The following FRMD4B variants were observed in gnomAD, a reference collection of about 807,000 sequenced individuals.
FRMD4B encodes FERM domain-containing protein 4B.
Under a neutral mutation model 141.5 loss-of-function variants are expected in FRMD4B, and 74 were observed. That is an observed-to-expected ratio of 0.52 (90% CI 0.43 to 0.63). The LOEUF is 0.63. FRMD4B is among the 30% of genes least tolerant of loss of function. The probability of loss-of-function intolerance (pLI) is 0.00; values close to 1 mark genes in which losing one functional copy is unlikely to be tolerated. For synonymous variants in FRMD4B, 506 were observed against 467.9 expected, an observed-to-expected ratio of 1.08 and a Z score of -1.05; for missense variants, 1,366 against 1,253.4, an observed-to-expected ratio of 1.09 and a Z score of -1.36.
At chr3:69,250,419 A>G (rs1430199107) in intron 5 of FRMD4B, among the ~76,000 whole-genome samples, 2 of 152,170 alleles carry the variant, frequency 1.3e-5, no homozygotes, top group Admixed American at 6.6e-5. Context: ...CTTCTAAATG[A>G]AAAATTTTTA....
upstream of FRMD4B, among the ~76,000 whole-genome samples, chr3:69,388,338 G>A (rs1204561449): frequency 1.3e-5 from 2 of 152,116 alleles, no homozygotes; most frequent in African/African-American, 4.8e-5. Flanking sequence ...ATAGGATGTA[G>A]TATAATAGGG....
At chr3:69,200,096 C>T (rs2092951001) in intron 11 of FRMD4B, among the ~76,000 whole-genome samples, 1 of 152,178 alleles carries the variant, frequency 6.6e-6, no homozygotes. Context: ...CTCTGCAATG[C>T]ACTATCAGCA....
chr3:69,306,547 T>C (rs1029016171), intron 3 of FRMD4B: 2 of 152,226 alleles, frequency 1.3e-5, no homozygotes, highest in Non-Finnish European at 2.9e-5. Flanking sequence ...GGGCCGTGAC[T>C]GCCCTCTAGG....
At chr3:69,280,022 C>T (rs1160100463) in intron 5 of FRMD4B, among the ~76,000 whole-genome samples, 2 of 151,976 alleles carry the variant, frequency 1.3e-5, no homozygotes, top group Non-Finnish European at 2.9e-5. Flanking sequence ...TGTGGTGGTC[C>T]ATGTTGGCTG....
At chr3:69,473,566 A>C (rs982684419) in intron 1 of FRMD4B, among the ~76,000 whole-genome samples, 1 of 152,146 alleles carries the variant, frequency 6.6e-6, no homozygotes, top group African/African-American at 2.4e-5. Context: ...CTCTCCAGCC[A>C]TATCAATCTC....
rs774007665 is a variant in FRMD4B at position 69,180,977 on chromosome 3, C to T, written c.2773G>A (p.Gly925Arg). Residue 925 changes from glycine (G) to arginine (R), a missense_variant, in exon 21 of 23, where the codon GGA becomes AGA. Physicochemically the swap from Gly to Arg is moderately radical, Grantham distance 125 (BLOSUM62 -2). Transcript: ENST00000398540. ...SPQTSFDSDRGSQRCLGFAGL... is the reference protein window; with the variant it reads ...SPQTSFDSDRRSQRCLGFAGL... ...GCAAACCCCAGGCATCTCTGTGATC[C>T]CCTGTCTGAGTCAAAGCTGGTCTGC... 10 of 1,613,958 alleles carry T rather than the reference C, an allele frequency of 6.2e-6. No individual in the cohort carries two copies. Among genetic ancestry groups the T allele is most frequent in the South Asian group, 1.1e-5 (1 of 91,070 alleles).
At chr3:69,176,775 G>A in intron 21 of FRMD4B, 119 bp from the exon 22 acceptor site, 1 of 653,818 alleles carries the variant, frequency 1.5e-6, no homozygotes, top group East Asian at 2.7e-5. Flanking sequence ...AAGAGGGTTT[G>A]AAATAACAGA....
intron 11 of FRMD4B, among the ~76,000 whole-genome samples, chr3:69,212,381 GAAAAAAAAAAAGAAA>G (rs2093094078): frequency 1.0e-5 from 1 of 95,598 alleles, no homozygotes; most frequent in Non-Finnish European, 1.9e-5. Flanking sequence ...AAAAAAAAAA[GAAAAAAAAAAAGAAA>G]AAAAAGAAAA....
At chr3:69,490,228 G>T (rs1706280459) in intron 1 of FRMD4B, among the ~76,000 whole-genome samples, 1 of 152,156 alleles carries the variant, frequency 6.6e-6, no homozygotes, top group Admixed American at 6.5e-5. Context: ...TAAATGAGAT[G>T]ATGGTTTATA....
chr3:69,299,787 C>A (rs2107152162), intron 4 of FRMD4B, among the ~76,000 whole-genome samples: 1 of 152,036 alleles, frequency 6.6e-6, no homozygotes, highest in East Asian at 1.9e-4. Flanking sequence ...GAAGGGAATT[C>A]TTTTTCATTG....
At chr3:69,349,037 C>G (rs1424373976) in intron 1 of FRMD4B, among the ~76,000 whole-genome samples, 3 of 152,206 alleles carry the variant, frequency 2.0e-5, no homozygotes, top group Non-Finnish European at 2.9e-5. Context: ...CAAATTGTCC[C>G]TGTTTGCATA....
chr3:69,328,285 T>C (rs1298652135), intron 1 of FRMD4B, among the ~76,000 whole-genome samples: 1 of 152,248 alleles, frequency 6.6e-6, no homozygotes, highest in Admixed American at 6.5e-5. Context: ...GCTCTTGTGG[T>C]TATTGAATCT....
intron 1 of FRMD4B, among the ~76,000 whole-genome samples, chr3:69,439,367 G>A (rs1370822682): frequency 6.6e-6 from 1 of 152,046 alleles, no homozygotes; most frequent in East Asian, 1.9e-4. Flanking sequence ...AGGTGTTTGG[G>A]GCACAACCTA....
chr3:69,408,145 C>T (rs1281036097), intron 2 of FRMD4B, among the ~76,000 whole-genome samples: 1 of 152,022 alleles, frequency 6.6e-6, no homozygotes, highest in Non-Finnish European at 1.5e-5. Context: ...CAATCTAGAT[C>T]GTGAGAGAGA....
chr3:69,501,414 G>T (rs1016756692), intron 1 of FRMD4B, among the ~76,000 whole-genome samples: 1 of 152,044 alleles, frequency 6.6e-6, no homozygotes, highest in Admixed American at 6.6e-5. Flanking sequence ...TAAGGGCATG[G>T]ATTCTGTAGC....
intron 2 of FRMD4B, among the ~76,000 whole-genome samples, chr3:69,413,553 TCA>T (rs1332907873): frequency 1.3e-5 from 2 of 152,212 alleles, no homozygotes; most frequent in African/African-American, 4.8e-5. Flanking sequence ...TAGTCACAAA[TCA>T]CAGTAACCCC....
chr3:69,256,664 A>G (rs150672965), intron 5 of FRMD4B, among the ~76,000 whole-genome samples: 1,628 of 152,296 alleles, frequency 0.011, 20 homozygotes, highest in Non-Finnish European at 0.014. Flanking sequence ...TGGAGGAGCC[A>G]TGCCAACACT....
At chr3:69,215,005 G>C (rs112468234) in intron 11 of FRMD4B, among the ~76,000 whole-genome samples, 1 of 151,296 alleles carries the variant, frequency 6.6e-6, no homozygotes, top group Non-Finnish European at 1.5e-5. Context: ...TCAGCCTCCC[G>C]AGGAGCTGGG....
At chr3:69,424,176 G>T (rs1705033988) in intron 2 of FRMD4B, among the ~76,000 whole-genome samples, 1 of 152,166 alleles carries the variant, frequency 6.6e-6, no homozygotes, top group Admixed American at 6.5e-5. Context: ...TGAGAATGTT[G>T]TGACGAGGTT....
Sources: allele counts gnomAD v4.1 joint callset (sites outside exome capture counted in the v4.1 genomes callset), GRCh38; gene constraint gnomAD v4.1.1; transcripts MANE v1.5; gene names NCBI Gene and HGNC (gene_info 2026-07-23, HGNC 2026-07-21).